VTI1A: variants seen among roughly 807,000 people sequenced by gnomAD.
VTI1A encodes vesicle transport through interaction with t-SNAREs homolog 1A.
In VTI1A, 22 loss-of-function variants were observed where a neutral mutation model predicts 34.9. That is an observed-to-expected ratio of 0.63 (90% CI 0.45 to 0.90). The LOEUF is 0.90. Ranked by LOEUF, VTI1A falls within the 40% of genes least tolerant of loss-of-function variation. The pLI is 0.00. For missense variants in VTI1A, 268 were observed against 275.6 expected (o/e 0.97, Z 0.20); for synonymous variants, 87 against 97.3 (o/e 0.89, Z 0.62).
intron 3 of VTI1A, among the ~76,000 whole-genome samples, chr10:112,515,903 A>G (rs1449095561): frequency 6.6e-6 from 1 of 152,080 alleles, no homozygotes; most frequent in Non-Finnish European, 1.5e-5. Flanking sequence ...TGTGCGATCT[A>G]TAGTAATTCT....
chr10:112,562,312 G>A (rs1339553005), intron 5 of VTI1A, among the ~76,000 whole-genome samples: 1 of 151,932 alleles, frequency 6.6e-6, no homozygotes, highest in Non-Finnish European at 1.5e-5. Flanking sequence ...GAGAATTAAA[G>A]GGCCACACTC....
At chr10:112,807,379 A>C (rs78092409) in intron 7 of VTI1A, among the ~76,000 whole-genome samples, 2,077 of 152,242 alleles carry the variant, frequency 0.014, 54 homozygotes, top group African/African-American at 0.047. Context: ...TCTCTCCAAA[A>C]GTGTAAGGGA....
chr10:112,720,943 G>A (rs1472838449), intron 7 of VTI1A, among the ~76,000 whole-genome samples: 2 of 151,626 alleles, frequency 1.3e-5, no homozygotes, highest in African/African-American at 4.9e-5. Flanking sequence ...TTTGCCACTA[G>A]GTTCTCACTG....
intron 5 of VTI1A, among the ~76,000 whole-genome samples, chr10:112,555,732 C>T (rs558923101): frequency 6.6e-6 from 1 of 152,042 alleles, no homozygotes; most frequent in Non-Finnish European, 1.5e-5. Context: ...ACATTTTGTT[C>T]TTCATTATTA....
chr10:112,538,416 G>C, intron 5 of VTI1A, 86 bp downstream of exon 5: 1 of 1,272,804 alleles, frequency 7.9e-7, no homozygotes, highest in Non-Finnish European at 1.1e-6. Flanking sequence ...CTTCAAAGGA[G>C]TAGCAGAGAC....
At position 112,654,733 on chromosome 10, in the gene VTI1A, G is replaced by A. The variant is rs550776150; in HGVS notation, c.428-13485G>A. ...CCTGACCTGGTGATCCTCCTGCCTC[G>A]GCCTCCCAAAGTACTGGGATTACAG... On this transcript the variant is annotated intron_variant, in intron 5 of 7. Coordinates refer to ENST00000393077, the MANE Select transcript of VTI1A (RefSeq NM_145206.4). Among the ~76,000 whole-genome samples the A allele has an allele frequency of 1.8e-4, 28 of 152,138 alleles. No individual in the cohort carries two copies. The South Asian group carries it at 3.1e-3, about 17-fold the overall frequency.
the VTI1A span, among the ~76,000 whole-genome samples, chr10:112,834,721 G>A: frequency 6.6e-6 from 1 of 152,236 alleles, no homozygotes; most frequent in Non-Finnish European, 1.5e-5. Flanking sequence ...CCTTCAGGCT[G>A]GAAGCTCGCT....
At chr10:112,557,576 G>A (rs1851581075) in intron 5 of VTI1A, among the ~76,000 whole-genome samples, 1 of 152,040 alleles carries the variant, frequency 6.6e-6, no homozygotes, top group Non-Finnish European at 1.5e-5. Flanking sequence ...TAATACTTAA[G>A]GTATATTGCA....
chr10:112,822,100 T>A (rs1240265333), downstream of VTI1A, among the ~76,000 whole-genome samples: 1 of 151,990 alleles, frequency 6.6e-6, no homozygotes. Context: ...AGATTTTGGG[T>A]TTGGGGGAAG....
At chr10:112,514,659 C>G (rs1384730775) in intron 3 of VTI1A, among the ~76,000 whole-genome samples, 2 of 151,816 alleles carry the variant, frequency 1.3e-5, no homozygotes, top group Admixed American at 1.3e-4. Flanking sequence ...CTTAGGACTG[C>G]TTTTGCTGCA....
intron 7 of VTI1A, among the ~76,000 whole-genome samples, chr10:112,688,689 T>A (rs1035361507): frequency 1.3e-5 from 2 of 151,624 alleles, no homozygotes; most frequent in African/African-American, 4.9e-5. Flanking sequence ...ACCCAGCTTA[T>A]TTTTTGTTTG....
At chr10:112,802,833 C>G (rs577704351) in intron 7 of VTI1A, among the ~76,000 whole-genome samples, 1 of 152,274 alleles carries the variant, frequency 6.6e-6, no homozygotes, top group Non-Finnish European at 1.5e-5. Flanking sequence ...AAGAAGGACA[C>G]TGGGGAAAAA....
intron 7 of VTI1A, chr10:112,736,827 A>G: frequency 8.4e-7 from 1 of 1,196,470 alleles, no homozygotes. Context: ...CTTCAATGAG[A>G]AGCCTTCTCA....
At chr10:112,830,849 A>ATT in the VTI1A span, among the ~76,000 whole-genome samples, 379 of 33,440 alleles carry the variant, frequency 0.011, 40 homozygotes, top group Admixed American at 0.013. Flanking sequence ...ATATATATAT[A>ATT]TTTTTTTTTT....
At chr10:112,854,952 G>T in the VTI1A span, among the ~76,000 whole-genome samples, 2 of 152,208 alleles carry the variant, frequency 1.3e-5, no homozygotes, top group Admixed American at 6.5e-5. Context: ...CCAAGAATGG[G>T]TCAGTAACCA....
intron 1 of VTI1A, among the ~76,000 whole-genome samples, chr10:112,451,063 G>T (rs1251312587): frequency 6.6e-6 from 1 of 152,196 alleles, no homozygotes; most frequent in East Asian, 1.9e-4. Context: ...TGTGAATCCT[G>T]TCACTTTATG....
At chr10:112,491,986 G>C (rs753464528) in intron 3 of VTI1A, among the ~76,000 whole-genome samples, 1 of 152,156 alleles carries the variant, frequency 6.6e-6, no homozygotes, top group African/African-American at 2.4e-5. Flanking sequence ...CCCTGCCAGA[G>C]ATTTTAGTTT....
At chr10:112,835,453 G>T in the VTI1A span, among the ~76,000 whole-genome samples, 1 of 152,152 alleles carries the variant, frequency 6.6e-6, no homozygotes, top group African/African-American at 2.4e-5. Flanking sequence ...TGCAGTTCTC[G>T]CTTAATGAAG....
rs148306061 is a variant in VTI1A, at chr10:112,745,111, C to T, written c.561-70179C>T. 4.5e-3 allele frequency among the ~76,000 whole-genome samples: 685 copies of T among 151,934 alleles called. 7 individuals are homozygous for T. The highest frequency in any genetic ancestry group is 0.016 in the African/African-American group (655 of 41,426). ...TGACACATATGTAATACTTTTTTTC[C>T]CTATGTTTTTTGGCTGCATAATCCC... On this transcript the variant is annotated intron_variant, in intron 7 of 7. Transcript: ENST00000393077.
Sources: allele counts gnomAD v4.1 joint callset (sites outside exome capture counted in the v4.1 genomes callset), GRCh38; gene constraint gnomAD v4.1.1; transcripts MANE v1.5; gene names NCBI Gene and HGNC (gene_info 2026-07-23, HGNC 2026-07-21).